PCDHGB2: variants seen among roughly 807,000 people sequenced by gnomAD.
The protein encoded by PCDHGB2 is protocadherin gamma-B2.
PCDHGB2 carries 55 observed loss-of-function variants against 59.3 expected under a neutral mutation model. The ratio of observed to expected loss-of-function variants is 0.93; its 90% CI spans 0.75 to 1.16. The LOEUF (loss-of-function observed/expected upper bound fraction) is 1.16, where lower values mean the gene tolerates loss of function less well. Among genes scored for constraint, PCDHGB2 ranks in the 50% most tolerant of loss-of-function variants. The probability of loss-of-function intolerance (pLI) is 0.00; values close to 1 mark genes in which losing one functional copy is unlikely to be tolerated. For missense variants in PCDHGB2, 1,228 were observed against 1,198.5 expected, an observed-to-expected ratio of 1.02 and a Z score of -0.36; for synonymous variants, 516 against 512.0, an observed-to-expected ratio of 1.01 and a Z score of -0.11.
rs199552905 is a variant in PCDHGB2 at position 141,423,400 on chromosome 5, C to A, written c.2421+60844C>A. On this transcript the variant is annotated intron_variant, in intron 1 of 3. Transcript: ENST00000522605. Reference sequence around the variant, plus strand: ...GCTGTGGCGCTGGCATAAGTCACGCCTGCTGCAGGCTTCTGAAGGCGGGTT... The same window carrying A: ...GCTGTGGCGCTGGCATAAGTCACGCATGCTGCAGGCTTCTGAAGGCGGGTT... 62 of 1,614,152 alleles carry A rather than the reference C, an allele frequency of 3.8e-5. No homozygotes were observed. The African/African-American group carries it at 6.9e-4, about 18-fold the overall frequency.
Position 141,394,244 on chromosome 5 carries a change from C to G in PCDHGB2, c.2421+31688C>G, listed in dbSNP as rs371631729. Reference sequence around the variant, plus strand: ...CCTCCATCTTTTCCTTGACTGCACACGACCCCGACAGCCAGGAGAATGCCC... The same window carrying G: ...CCTCCATCTTTTCCTTGACTGCACAGGACCCCGACAGCCAGGAGAATGCCC... On this transcript the variant is annotated intron_variant, in intron 1 of 3. Coordinates refer to ENST00000522605, the MANE Select transcript of PCDHGB2 (RefSeq NM_018923.3). The G allele has an allele frequency of 1.2e-5, 19 of 1,613,820 alleles. No homozygotes were observed. Among genetic ancestry groups the G allele is most frequent in the Middle Eastern group, 1.6e-4 (1 of 6,084 alleles).
At chr5:141,364,394 A>G in intron 1 of PCDHGB2, 2 of 1,603,510 alleles carry the variant, frequency 1.2e-6, no homozygotes, top group South Asian at 1.1e-5. Context: ...GCTCCTGGGG[A>G]CGCTGTGCGA....
At chr5:141,391,974 C>T (rs2092450559) in intron 1 of PCDHGB2, 1 of 152,032 alleles carries the variant, frequency 6.6e-6, no homozygotes. Flanking sequence ...AATAAAATAG[C>T]AAAACAATGT....
chr5:141,486,987 G>C lies in PCDHGB2; in HGVS notation c.2422-7820G>C, dbSNP rs1327158531. ...GACTTGGATTCAGGTTACAATGCTTGGGTTTCCTATCAGCTCCTGGAGGCC... is the reference window on the plus strand; with the variant it reads ...GACTTGGATTCAGGTTACAATGCTTCGGTTTCCTATCAGCTCCTGGAGGCC... On this transcript the variant is annotated intron_variant, in intron 1 of 3. Transcript: ENST00000522605. The surrounding 1 kb of genome is among the most constrained non-coding windows in gnomAD (Gnocchi z 5.0). The C allele has an allele frequency of 6.2e-7, 1 of 1,614,144 alleles. No homozygotes were observed. Among genetic ancestry groups the C allele is most frequent in the Admixed American group, 1.7e-5 (1 of 60,020 alleles).
chr5:141,478,631 A>G (rs781339775), intron 1 of PCDHGB2: 1 of 1,553,196 alleles, frequency 6.4e-7, no homozygotes, highest in Non-Finnish European at 8.7e-7. Context: ...CTGTTTTTTT[A>G]GTGATGAAGA....
chr5:141,454,281 A>C (rs1048947689), intron 1 of PCDHGB2, among the ~76,000 whole-genome samples: 2 of 152,242 alleles, frequency 1.3e-5, no homozygotes, highest in African/African-American at 4.8e-5. Context: ...AAAACTTCAC[A>C]TTAAAGGAAC....
intron 1 of PCDHGB2, among the ~76,000 whole-genome samples, chr5:141,401,410 A>T (rs536817103): frequency 2.6e-5 from 4 of 152,354 alleles, no homozygotes; most frequent in African/African-American, 9.6e-5. Context: ...TGAGAGAGAA[A>T]GAGAGAGACT....
intron 1 of PCDHGB2, among the ~76,000 whole-genome samples, chr5:141,462,688 A>G (rs919098530): frequency 3.9e-5 from 6 of 152,126 alleles, no homozygotes; most frequent in African/African-American, 1.4e-4. Flanking sequence ...TTTTGAGCAC[A>G]TTTATAATGG....
In PCDHGB2 at chr5:141,432,296, G is replaced by T; in HGVS notation, c.2422-62511G>T. On this transcript the variant is annotated intron_variant, in intron 1 of 3. Coordinates refer to ENST00000522605, the MANE Select transcript of PCDHGB2 (RefSeq NM_018923.3). This position sits in a 1 kb window ranked among gnomAD's most constrained non-coding sequence, Gnocchi z 6.0. ...CGTGTCCATCAACTCCGACACTGGG[G>T]TACTGTATGCGCTGAGCTCCTTCGA... 1 of 1,614,224 alleles carries T rather than the reference G, an allele frequency of 6.2e-7. No individual in the cohort carries two copies. Among genetic ancestry groups the T allele is most frequent in the Non-Finnish European group, 8.5e-7 (1 of 1,180,044 alleles).
intron 1 of PCDHGB2, chr5:141,422,796 T>C: frequency 6.2e-7 from 1 of 1,614,234 alleles, no homozygotes; most frequent in Middle Eastern, 1.6e-4. Flanking sequence ...CCTTCGACTA[T>C]GAGCAGTTTC....
At chr5:141,454,620 G>T (rs1028840158) in intron 1 of PCDHGB2, among the ~76,000 whole-genome samples, 1 of 151,520 alleles carries the variant, frequency 6.6e-6, no homozygotes, top group East Asian at 1.9e-4. Flanking sequence ...TGGTCAGGCT[G>T]GTCTCGAACC....
intron 1 of PCDHGB2, chr5:141,416,346 T>A (rs2096017940): frequency 6.6e-6 from 1 of 152,238 alleles, no homozygotes; most frequent in African/African-American, 2.4e-5. Flanking sequence ...TCAATAGGGA[T>A]CCTGAGGAGG....
intron 1 of PCDHGB2, among the ~76,000 whole-genome samples, chr5:141,444,110 A>C (rs1284415694): frequency 6.7e-6 from 1 of 149,880 alleles, no homozygotes; most frequent in Non-Finnish European, 1.5e-5. Flanking sequence ...AACCAAGAAA[A>C]GTGAAGTATC....
chr5:141,396,611 C>T (rs1310113508), intron 1 of PCDHGB2: 1 of 150,986 alleles, frequency 6.6e-6, no homozygotes, highest in Non-Finnish European at 1.5e-5. Flanking sequence ...CAGGGTGAGA[C>T]TCCGTCTCAA....
rs755130135 is a variant in PCDHGB2 at position 141,431,477 on chromosome 5, C to A, written c.2422-63330C>A. On this transcript the variant is annotated intron_variant, in intron 1 of 3. Coordinates refer to ENST00000522605, the MANE Select transcript of PCDHGB2 (RefSeq NM_018923.3). The surrounding 1 kb of genome is among the most constrained non-coding windows in gnomAD (Gnocchi z 4.8). ...GGTTCTGGATGCGAACGACAACGCA[C>A]CAGCGTTTGCTCAGCCCGAGTACCG... is the stretch of plus-strand genomic sequence containing the variant. 40 of 1,613,768 alleles carry A rather than the reference C, an allele frequency of 2.5e-5. No individual in the cohort carries two copies. The highest frequency in any genetic ancestry group is 3.3e-5 in the Admixed American group (2 of 60,008).
intron 1 of PCDHGB2, chr5:141,395,576 G>A: frequency 4.2e-6 from 1 of 237,360 alleles, no homozygotes; most frequent in Non-Finnish European, 8.1e-6. Flanking sequence ...GTGTGTGTGT[G>A]TGTGTGTGTG....
At chr5:141,501,288 T>TATACAC (rs201660636) in intron 2 of PCDHGB2, among the ~76,000 whole-genome samples, 3,536 of 81,176 alleles carry the variant, frequency 0.044, 56 homozygotes, top group Admixed American at 0.065. Flanking sequence ...GATATTCCCT[T>TATACAC]ATACACACAC....
intron 1 of PCDHGB2, chr5:141,426,591 A>G: frequency 1.4e-5 from 5 of 369,676 alleles, no homozygotes; most frequent in South Asian, 7.9e-5. Context: ...CCTCTGTGTC[A>G]TACCCTTAGA....
intron 1 of PCDHGB2, among the ~76,000 whole-genome samples, chr5:141,445,814 T>C (rs1554133709): frequency 6.6e-6 from 1 of 152,182 alleles, no homozygotes; most frequent in Non-Finnish European, 1.5e-5. Context: ...TAGATGAAAC[T>C]AATAAGGCAG....
Sources: gnomAD v4.1 joint callset for allele counts (sites outside exome capture counted in the v4.1 genomes callset) on GRCh38, gnomAD v4.1.1 for gene constraint, Gnocchi (gnomAD v3.1) non-coding constraint, MANE v1.5 for transcripts, NCBI Gene and HGNC (gene_info 2026-07-23, HGNC 2026-07-21) for gene names.